Variants in L3MBTL4 observed in about 807,000 individuals in gnomAD.
L3MBTL4 encodes L3MBTL histone methyl-lysine binding protein 4, also known as lethal(3)malignant brain tumor-like protein 4.
A neutral mutation model predicts 84.5 loss-of-function variants in L3MBTL4; 70 were observed. That is an observed-to-expected ratio of 0.83 (90% CI 0.68 to 1.01). The LOEUF is 1.01. Among genes scored for constraint, L3MBTL4 ranks in the 50% least tolerant of loss-of-function variants. The probability of loss-of-function intolerance (pLI) is 0.00; values close to 1 mark genes in which losing one functional copy is unlikely to be tolerated. For synonymous variants in L3MBTL4, 274 were observed against 259.8 expected, an observed-to-expected ratio of 1.05 and a Z score of -0.52; for missense variants, 715 against 754.8, an observed-to-expected ratio of 0.95 and a Z score of 0.62.
chr18:6,183,889 A>G (rs1273346560), intron 12 of L3MBTL4, among the ~76,000 whole-genome samples: 1 of 152,232 alleles, frequency 6.6e-6, no homozygotes, highest in African/African-American at 2.4e-5. Flanking sequence ...GAAATATTAT[A>G]CAATTCTCAT....
At chr18:6,241,507 A>T in intron 7 of L3MBTL4, 58 bp from the exon 8 acceptor site, 1 of 953,004 alleles carries the variant, frequency 1.0e-6, no homozygotes, top group Non-Finnish European at 1.6e-6. Flanking sequence ...TGCATATTAA[A>T]TATATTAGGT....
intron 1 of L3MBTL4, among the ~76,000 whole-genome samples, chr18:6,330,970 TG>T (rs1392461078): frequency 2.0e-5 from 3 of 152,164 alleles, no homozygotes; most frequent in African/African-American, 7.2e-5. Flanking sequence ...AAGTGACTTC[TG>T]GTCAAGAGGT....
At chr18:6,021,820 G>A (rs906742207) in intron 16 of L3MBTL4, among the ~76,000 whole-genome samples, 1 of 152,050 alleles carries the variant, frequency 6.6e-6, no homozygotes, top group Non-Finnish European at 1.5e-5. Context: ...TGCCTCCCCT[G>A]CCTCTCTCCT....
At chr18:6,027,193 C>A (rs1018856105) in intron 16 of L3MBTL4, among the ~76,000 whole-genome samples, 4 of 152,106 alleles carry the variant, frequency 2.6e-5, no homozygotes, top group African/African-American at 9.7e-5. Flanking sequence ...CTTGACCCCA[C>A]CCCCGCAACA....
intron 13 of L3MBTL4, among the ~76,000 whole-genome samples, chr18:6,150,128 CACAT>C (rs2042828483): frequency 1.3e-5 from 2 of 152,142 alleles, no homozygotes; most frequent in South Asian, 4.1e-4. Context: ...TTGATGGTGT[CACAT>C]ACAATTTTCG....
At chr18:6,002,838 C>T (rs2054272039) in intron 16 of L3MBTL4, among the ~76,000 whole-genome samples, 1 of 151,672 alleles carries the variant, frequency 6.6e-6, no homozygotes, top group African/African-American at 2.4e-5. Flanking sequence ...GTAAGTCCCT[C>T]CTTCTTAGCA....
chr18:6,208,150 A>AATAG (rs1256413665), intron 12 of L3MBTL4, among the ~76,000 whole-genome samples: 2 of 151,636 alleles, frequency 1.3e-5, no homozygotes, highest in African/African-American at 4.8e-5. Flanking sequence ...TAAATAAATA[A>AATAG]ATAAATAAAT....
chr18:6,331,405 CTCAAA>C (rs2052026390), intron 1 of L3MBTL4, among the ~76,000 whole-genome samples: 1 of 151,978 alleles, frequency 6.6e-6, no homozygotes, highest in African/African-American at 2.4e-5. Flanking sequence ...ATGCAGAAAG[CTCAAA>C]TCAATTATAA....
chr18:6,077,826 C>G (rs1261181280), intron 16 of L3MBTL4, among the ~76,000 whole-genome samples: 5 of 150,656 alleles, frequency 3.3e-5, no homozygotes, highest in Middle Eastern at 6.9e-3. Context: ...GTCAGGAGTT[C>G]GAGACCAGCC....
intron 1 of L3MBTL4, among the ~76,000 whole-genome samples, chr18:6,361,372 C>T (rs1169186283): frequency 1.3e-5 from 2 of 152,310 alleles, no homozygotes; most frequent in Non-Finnish European, 2.9e-5. Context: ...TCCCCACCGC[C>T]GTCTGCCCCA....
At chr18:6,279,569 G>A (rs982390442) in intron 4 of L3MBTL4, among the ~76,000 whole-genome samples, 2 of 152,190 alleles carry the variant, frequency 1.3e-5, no homozygotes, top group Admixed American at 6.5e-5. Flanking sequence ...TGATGGTGAA[G>A]TCTGCAGTAA....
intron 1 of L3MBTL4, among the ~76,000 whole-genome samples, chr18:6,358,784 G>A (rs1348790925): frequency 6.6e-6 from 1 of 152,200 alleles, no homozygotes; most frequent in Non-Finnish European, 1.5e-5. Context: ...AGCAGTGAGA[G>A]GCCAGTTCCC....
chr18:6,032,565 C>A (rs2055879432), intron 16 of L3MBTL4, among the ~76,000 whole-genome samples: 1 of 151,810 alleles, frequency 6.6e-6, no homozygotes, highest in Non-Finnish European at 1.5e-5. Flanking sequence ...AAAATACACA[C>A]AATATTTACC....
intron 16 of L3MBTL4, among the ~76,000 whole-genome samples, chr18:5,970,621 T>C (rs527546509): frequency 6.6e-6 from 1 of 152,356 alleles, no homozygotes; most frequent in East Asian, 1.9e-4. Flanking sequence ...AGAAGAGACT[T>C]TGAAAAGACC....
chr18:6,163,990 C>A (rs1195969617), intron 13 of L3MBTL4, among the ~76,000 whole-genome samples: 1 of 152,192 alleles, frequency 6.6e-6, no homozygotes, highest in Non-Finnish European at 1.5e-5. Flanking sequence ...ACTAATACTG[C>A]ACTTTTCCAA....
chr18:6,326,300 A>C (rs1208552729), intron 1 of L3MBTL4: 1 of 152,272 alleles, frequency 6.6e-6, no homozygotes, highest in African/African-American at 2.4e-5. Flanking sequence ...CATCTGTGAC[A>C]AGATCAGACA....
chr18:6,030,770 C>A (rs2055756049), intron 16 of L3MBTL4: 5 of 983,552 alleles, frequency 5.1e-6, no homozygotes, highest in Non-Finnish European at 4.8e-6. Context: ...TAAGATTTTT[C>A]TGGCTTGAAG....
intron 16 of L3MBTL4, among the ~76,000 whole-genome samples, chr18:5,981,766 C>T (rs1410627579): frequency 6.6e-6 from 1 of 151,820 alleles, no homozygotes; most frequent in African/African-American, 2.4e-5. Context: ...TGCCACTGTA[C>T]TCCAGGCTGA....
intron 15 of L3MBTL4, among the ~76,000 whole-genome samples, chr18:6,085,879 TGACC>T (rs1431801861): frequency 2.0e-5 from 3 of 152,216 alleles, no homozygotes; most frequent in African/African-American, 7.2e-5. Flanking sequence ...TTAACCCTAG[TGACC>T]TAAGCATGCA....
Sources: allele counts gnomAD v4.1 joint callset (sites outside exome capture counted in the v4.1 genomes callset), GRCh38; gene constraint gnomAD v4.1.1; transcripts MANE v1.5; gene names NCBI Gene and HGNC (gene_info 2026-07-23, HGNC 2026-07-21).